CCDC148: variants seen among roughly 807,000 people sequenced by gnomAD.
CCDC148 encodes coiled-coil domain-containing protein 148.
Under a neutral mutation model 85.7 loss-of-function variants are expected in CCDC148, and 89 were observed. The observed-to-expected ratio is 1.04, with a 90% CI of 0.87 to 1.24. The LOEUF is 1.24. CCDC148 is among the 50% of genes most tolerant of loss of function. The pLI is 0.00. For missense variants in CCDC148, 692 were observed against 671.7 expected, an observed-to-expected ratio of 1.03 and a Z score of -0.33; for synonymous variants, 230 against 213.9, an observed-to-expected ratio of 1.08 and a Z score of -0.66.
intron 1 of CCDC148, among the ~76,000 whole-genome samples, chr2:158,429,725 T>A (rs1456882937): frequency 6.6e-6 from 1 of 152,212 alleles, no homozygotes; most frequent in South Asian, 2.1e-4. Context: ...GGCTTACCCT[T>A]CCACTGTAAC....
chr2:158,429,035 G>C (rs944659264), intron 1 of CCDC148, among the ~76,000 whole-genome samples: 6 of 151,470 alleles, frequency 4.0e-5, no homozygotes, highest in African/African-American at 1.5e-4. Flanking sequence ...CTATCACAAG[G>C]ACGGGAAACC....
intron 9 of CCDC148, among the ~76,000 whole-genome samples, chr2:158,293,525 T>C (rs1690992360): frequency 6.6e-6 from 1 of 152,224 alleles, no homozygotes; most frequent in Admixed American, 6.5e-5. Flanking sequence ...AGATGGAGAC[T>C]AAGAGAAGCC....
In CCDC148 at chr2:158,263,345, C is replaced by A. The variant is rs146311764; in HGVS notation, c.1111-12433G>T. ...ACGGAAACTATTGCAATGGCTGGCA[C>A]AGTAAATACTTATTAAAGGTGTATT... On this transcript the variant is annotated intron_variant, in intron 9 of 13. Transcript: ENST00000283233. Among the ~76,000 whole-genome samples the A allele has an allele frequency of 6.6e-5, 10 of 152,110 alleles. No homozygotes were observed. In the East Asian group the frequency reaches 1.9e-3, roughly 29 times the overall value.
chr2:158,322,858 CATT>C lies in CCDC148; in HGVS notation c.765-8967_765-8965del, dbSNP rs769763638. ...TAATAGAATATTAATTATAAACTAA[CATT>C]ATAAAATTTAATATACCTATTAAAC... On this transcript the variant is annotated intron_variant, in intron 7 of 13. Coordinates refer to ENST00000283233, the MANE Select transcript of CCDC148 (RefSeq NM_138803.4). 7.2e-5 allele frequency among the ~76,000 whole-genome samples: 11 copies of C among 152,122 alleles called. No homozygotes were observed. The South Asian group carries it at 1.7e-3, about 23-fold the overall frequency.
At chr2:158,327,130 T>C (rs1260946349) in intron 7 of CCDC148, among the ~76,000 whole-genome samples, 2 of 152,162 alleles carry the variant, frequency 1.3e-5, no homozygotes, top group Non-Finnish European at 2.9e-5. Context: ...AATCAGTGTA[T>C]ACATATTCAA....
intron 3 of CCDC148, among the ~76,000 whole-genome samples, chr2:158,344,235 G>C (rs1682883554): frequency 6.6e-6 from 1 of 151,966 alleles, no homozygotes; most frequent in Non-Finnish European, 1.5e-5. Context: ...GATAAGATGG[G>C]TCTAATTTCA....
intron 1 of CCDC148, 133 bp downstream of exon 1, chr2:158,456,282 G>C (rs1029658781): frequency 1.1e-6 from 1 of 872,320 alleles, no homozygotes; most frequent in Admixed American, 2.0e-5. Flanking sequence ...ATGAGTTTGA[G>C]GACCCAAAAC....
At chr2:158,211,046 G>A (rs2105292075) in intron 11 of CCDC148, among the ~76,000 whole-genome samples, 1 of 151,964 alleles carries the variant, frequency 6.6e-6, no homozygotes, top group East Asian at 1.9e-4. Context: ...GGGGTTGGGG[G>A]CTAGGGGAGG....
intron 11 of CCDC148, among the ~76,000 whole-genome samples, chr2:158,218,877 T>C (rs915863385): frequency 6.6e-6 from 1 of 152,238 alleles, no homozygotes; most frequent in African/African-American, 2.4e-5. Flanking sequence ...CAGATTATAC[T>C]AAACTCTAAA....
chr2:158,180,185 T>C (rs1684824218), intron 11 of CCDC148, among the ~76,000 whole-genome samples: 1 of 152,154 alleles, frequency 6.6e-6, no homozygotes, highest in Non-Finnish European at 1.5e-5. Context: ...ACACCTGCAT[T>C]TTCCAAGGTG....
chr2:158,274,071 T>G (rs1050834003), intron 9 of CCDC148, among the ~76,000 whole-genome samples: 1 of 152,208 alleles, frequency 6.6e-6, no homozygotes, highest in Non-Finnish European at 1.5e-5. Flanking sequence ...CGAGAATTCA[T>G]GAAGTTTTGC....
At chr2:158,454,234 A>C (rs1202950575) in intron 1 of CCDC148, among the ~76,000 whole-genome samples, 2 of 152,230 alleles carry the variant, frequency 1.3e-5, no homozygotes, top group Non-Finnish European at 2.9e-5. Context: ...CTTGGTGAAA[A>C]GAAAGGCCAA....
intron 9 of CCDC148, among the ~76,000 whole-genome samples, chr2:158,280,613 C>T (rs1007837573): frequency 3.6e-4 from 54 of 152,046 alleles, no homozygotes; most frequent in African/African-American, 1.2e-3. Flanking sequence ...ACAGAAGCAC[C>T]CAGATTCATA....
chr2:158,387,288 TTATCTATATCTATATCTA>T (rs3080062), intron 1 of CCDC148, among the ~76,000 whole-genome samples: 5 of 150,464 alleles, frequency 3.3e-5, no homozygotes, highest in African/African-American at 7.3e-5. Context: ...ATTTATATCA[TTATCTATATCTATATCTA>T]TATCTATATC....
chr2:158,185,058 G>A (rs913670571), intron 11 of CCDC148, among the ~76,000 whole-genome samples: 1 of 152,164 alleles, frequency 6.6e-6, no homozygotes, highest in South Asian at 2.1e-4. Flanking sequence ...ATTTCTGTTT[G>A]CCTGTGCTAA....
At chr2:158,454,284 A>G (rs1688516517) in intron 1 of CCDC148, among the ~76,000 whole-genome samples, 2 of 152,204 alleles carry the variant, frequency 1.3e-5, no homozygotes, top group East Asian at 3.9e-4. Context: ...AGGTGGTTTT[A>G]CCAAAAGCCA....
chr2:158,198,792 G>A (rs546316324), intron 11 of CCDC148, among the ~76,000 whole-genome samples: 1 of 152,250 alleles, frequency 6.6e-6, no homozygotes, highest in African/African-American at 2.4e-5. Context: ...TATGTTACCA[G>A]CAGCACAAAT....
At chr2:158,322,380 TAA>T (rs1692562225) in intron 7 of CCDC148, among the ~76,000 whole-genome samples, 1 of 152,070 alleles carries the variant, frequency 6.6e-6, no homozygotes, top group East Asian at 1.9e-4. Flanking sequence ...AGCAGCTCAG[TAA>T]CCATTTATTG....
chr2:158,277,429 T>A (rs531702759), intron 9 of CCDC148, among the ~76,000 whole-genome samples: 2 of 152,146 alleles, frequency 1.3e-5, no homozygotes, highest in Non-Finnish European at 2.9e-5. Context: ...AGAATAATGA[T>A]TGATCTAAAT....
Sources: allele counts gnomAD v4.1 joint callset (sites outside exome capture counted in the v4.1 genomes callset), GRCh38; gene constraint gnomAD v4.1.1; transcripts MANE v1.5; gene names NCBI Gene and HGNC (gene_info 2026-07-23, HGNC 2026-07-21).